The following GABRA5 variants were observed in gnomAD, a reference collection of about 807,000 sequenced individuals.
The protein encoded by GABRA5 is gamma-aminobutyric acid type A receptor subunit alpha5.
GABRA5 carries 18 observed loss-of-function variants against 47.3 expected under a neutral mutation model. The observed-to-expected ratio is 0.38, with a 90% CI of 0.26 to 0.56. GABRA5 has a LOEUF of 0.56. Ranked by LOEUF, GABRA5 falls within the 20% of genes least tolerant of loss-of-function variation. The pLI is 0.71. For synonymous variants in GABRA5, 237 were observed against 229.3 expected (o/e 1.03, Z -0.30); for missense variants, 365 against 599.3 (o/e 0.61, Z 4.08).
At chr15:26,942,242 A>G (rs977928258) in intron 9 of GABRA5, among the ~76,000 whole-genome samples, 2 of 152,040 alleles carry the variant, frequency 1.3e-5, no homozygotes, top group African/African-American at 4.8e-5. Context: ...AGAGTCTGAC[A>G]CTCAGTGGAC....
chr15:26,895,826 A>AAAAAAAAAAGAAGAAG (rs1458730535), intron 6 of GABRA5, among the ~76,000 whole-genome samples: 45 of 136,034 alleles, frequency 3.3e-4, no homozygotes, highest in African/African-American at 1.2e-3. Flanking sequence ...AAAAAAAAAA[A>AAAAAAAAAAGAAGAAG]AAGAAGAAGA....
chr15:26,888,201 G>A (rs1008667575), intron 6 of GABRA5, among the ~76,000 whole-genome samples: 4 of 152,196 alleles, frequency 2.6e-5, no homozygotes, highest in African/African-American at 9.7e-5. Flanking sequence ...CCACGAGTGG[G>A]TCATGCATTC....
chr15:26,943,167 ACTGACCC>A, intron 9 of GABRA5, 41 bp from the exon 10 acceptor site: 1 of 1,427,906 alleles, frequency 7.0e-7, no homozygotes, highest in Non-Finnish European at 9.5e-7. Context: ...GGGTGCCAGC[ACTGACCC>A]CTGTTTCCGT....
intron 7 of GABRA5, among the ~76,000 whole-genome samples, chr15:26,920,502 A>G (rs1379595985): frequency 2.0e-5 from 3 of 152,010 alleles, no homozygotes; most frequent in Non-Finnish European, 2.9e-5. Context: ...CACTTTGTTC[A>G]TATATTGTTT....
intron 6 of GABRA5, among the ~76,000 whole-genome samples, chr15:26,884,018 C>CAAA (rs34555853): frequency 1.3e-5 from 2 of 148,484 alleles, no homozygotes; most frequent in African/African-American, 5.0e-5. Flanking sequence ...AAAAAAGAAA[C>CAAA]AAAAAAAAAC....
intron 8 of GABRA5, 112 bp downstream of exon 8, chr15:26,937,440 A>G: frequency 1.8e-5 from 20 of 1,108,012 alleles, no homozygotes; most frequent in Non-Finnish European, 2.1e-5. Flanking sequence ...GCCGCACAGC[A>G]GCCTCCCACA....
chr15:26,933,099 TA>T (rs34727225), intron 7 of GABRA5, among the ~76,000 whole-genome samples: 53,767 of 143,472 alleles, frequency 0.37, 9,834 homozygotes, highest in East Asian at 0.67. Flanking sequence ...TCCCGGAACT[TA>T]AAAAAAAAAA....
At chr15:26,916,724 T>C (rs1595421229) in intron 7 of GABRA5, among the ~76,000 whole-genome samples, 1 of 152,214 alleles carries the variant, frequency 6.6e-6, no homozygotes, top group East Asian at 1.9e-4. Context: ...TTTCCATTTG[T>C]TTGTGTTTTC....
intron 3 of GABRA5, among the ~76,000 whole-genome samples, chr15:26,875,904 G>A (rs1892585814): frequency 6.6e-6 from 1 of 152,138 alleles, no homozygotes; most frequent in South Asian, 2.1e-4. Context: ...CACTCTGGGT[G>A]CAGAGTGAAA....
intron 6 of GABRA5, among the ~76,000 whole-genome samples, chr15:26,896,092 G>A (rs980867445): frequency 6.6e-6 from 1 of 152,108 alleles, no homozygotes; most frequent in South Asian, 2.1e-4. Flanking sequence ...GGCAACCGCT[G>A]ACCGCTCCTT....
At position 26,880,954 on chromosome 15, in the gene GABRA5, G is replaced by C; in HGVS notation, c.195G>C (p.Arg65=). 6.2e-7 allele frequency: 1 copy of C among 1,613,888 alleles called. No homozygotes were observed. Among genetic ancestry groups the C allele is most frequent in the Non-Finnish European group, 8.5e-7 (1 of 1,179,854 alleles). The stretch of plus-strand genomic sequence containing the variant: ...TGGATGGCTACGACAACAGACTTCG[G>C]CCCGGGCTGGGAGGTGAGTGTGCTC... ...GLLDGYDNRL[R]PGLGERITQV... is the part of the protein sequence containing the mutation. Residue 65 remains arginine, a synonymous_variant, in exon 4 of 11, where the codon CGG becomes CGC. Transcript: ENST00000335625.
intron 6 of GABRA5, among the ~76,000 whole-genome samples, chr15:26,913,345 G>C (rs1197310753): frequency 1.3e-5 from 2 of 152,138 alleles, no homozygotes; most frequent in Admixed American, 6.5e-5. Context: ...GATGGACACA[G>C]ACCTCCCTTC....
intron 9 of GABRA5, among the ~76,000 whole-genome samples, chr15:26,940,527 C>T (rs772817534): frequency 6.7e-6 from 1 of 150,310 alleles, no homozygotes; most frequent in Non-Finnish European, 1.5e-5. Flanking sequence ...TTTCTTTGAG[C>T]ATTACGTCGG....
intron 6 of GABRA5, among the ~76,000 whole-genome samples, chr15:26,906,447 A>C (rs1029084993): frequency 1.3e-5 from 2 of 152,188 alleles, no homozygotes; most frequent in African/African-American, 2.4e-5. Flanking sequence ...TCAGCCAGAC[A>C]TGAAAACTTT....
intron 6 of GABRA5, among the ~76,000 whole-genome samples, chr15:26,907,467 G>A (rs1219390414): frequency 6.6e-6 from 1 of 152,126 alleles, no homozygotes; most frequent in Non-Finnish European, 1.5e-5. Context: ...TATTTCTTAT[G>A]ACAGGCAAAA....
chr15:26,903,589 C>T (rs1042435664), intron 6 of GABRA5, among the ~76,000 whole-genome samples: 3 of 152,142 alleles, frequency 2.0e-5, no homozygotes, highest in South Asian at 2.1e-4. Context: ...ATAAGCATTC[C>T]CCTTTCTCCA....
At chr15:26,900,500 G>A (rs1595410710) in intron 6 of GABRA5, among the ~76,000 whole-genome samples, 2 of 152,158 alleles carry the variant, frequency 1.3e-5, no homozygotes, top group South Asian at 2.1e-4. Context: ...AAGTCTTATA[G>A]CAACGAACTC....
At chr15:26,919,407 A>G (rs879672136) in intron 7 of GABRA5, among the ~76,000 whole-genome samples, 3 of 151,704 alleles carry the variant, frequency 2.0e-5, no homozygotes, top group Admixed American at 2.0e-4. Flanking sequence ...TGTAACTTCT[A>G]TAGTTATTAT....
intron 10 of GABRA5, among the ~76,000 whole-genome samples, chr15:26,946,955 T>TATACA (rs540920157): frequency 2.6e-4 from 39 of 152,324 alleles, no homozygotes; most frequent in African/African-American, 9.4e-4. Context: ...GGACGACTGA[T>TATACA]ATACACAGCA....
Sources: gnomAD v4.1 joint callset for allele counts (sites outside exome capture counted in the v4.1 genomes callset) on GRCh38, gnomAD v4.1.1 for gene constraint, MANE v1.5 for transcripts, NCBI Gene and HGNC (gene_info 2026-07-23, HGNC 2026-07-21) for gene names.